Variants in GPC5 observed in about 807,000 individuals in gnomAD.
The protein encoded by GPC5 is glypican-5.
A neutral mutation model predicts 53.9 loss-of-function variants in GPC5; 47 were observed. The observed-to-expected ratio is 0.87, with a 90% CI of 0.69 to 1.11. GPC5 has a LOEUF of 1.11. GPC5 is among the 50% of genes most tolerant of loss of function. The probability of loss-of-function intolerance (pLI) is 0.00; values close to 1 mark genes in which losing one functional copy is unlikely to be tolerated. For missense variants in GPC5, 748 were observed against 713.1 expected (o/e 1.05, Z -0.56); for synonymous variants, 286 against 263.3 (o/e 1.09, Z -0.84).
chr13:92,160,915 T>C (rs756537059), intron 7 of GPC5, among the ~76,000 whole-genome samples: 2 of 152,214 alleles, frequency 1.3e-5, no homozygotes, highest in Admixed American at 6.5e-5. Context: ...ATTAACTCTG[T>C]AGGATATGGT....
intron 7 of GPC5, among the ~76,000 whole-genome samples, chr13:92,539,798 T>G (rs1881871501): frequency 6.6e-6 from 1 of 152,034 alleles, no homozygotes; most frequent in African/African-American, 2.4e-5. Flanking sequence ...TCATGTCTTC[T>G]ATATCATTTT....
intron 4 of GPC5, among the ~76,000 whole-genome samples, chr13:91,753,593 T>C (rs958425003): frequency 3.3e-5 from 5 of 152,188 alleles, no homozygotes; most frequent in African/African-American, 1.2e-4. Context: ...TGATAACACC[T>C]GCTTGCTGGA....
At chr13:92,784,962 G>A (rs947927001) in intron 7 of GPC5, among the ~76,000 whole-genome samples, 8 of 151,912 alleles carry the variant, frequency 5.3e-5, no homozygotes, top group African/African-American at 1.7e-4. Flanking sequence ...CTAAAAATAC[G>A]TATACTGAAC....
At chr13:92,794,719 A>T (rs1444262518) in intron 7 of GPC5, among the ~76,000 whole-genome samples, 1 of 152,158 alleles carries the variant, frequency 6.6e-6, no homozygotes, top group African/African-American at 2.4e-5. Context: ...CAAAAATCAC[A>T]AGCATTCCTA....
chr13:91,763,273 C>T (rs927621255), intron 5 of GPC5, among the ~76,000 whole-genome samples: 6 of 151,914 alleles, frequency 3.9e-5, no homozygotes, highest in South Asian at 2.1e-4. Flanking sequence ...GATTTTTTCT[C>T]CCCCCCGGAC....
chr13:92,460,540 G>T (rs1285276597), intron 7 of GPC5, among the ~76,000 whole-genome samples: 1 of 152,094 alleles, frequency 6.6e-6, no homozygotes, highest in Non-Finnish European at 1.5e-5. Context: ...TGTCCTAGTG[G>T]ATATTGAAGA....
intron 2 of GPC5, among the ~76,000 whole-genome samples, chr13:91,600,369 A>G (rs1294291685): frequency 1.3e-5 from 2 of 151,416 alleles, no homozygotes; most frequent in Admixed American, 6.6e-5. Flanking sequence ...GTGTGTGTGT[A>G]TAGACATGTA....
intron 7 of GPC5, among the ~76,000 whole-genome samples, chr13:92,617,163 A>T (rs140651705): frequency 2.7e-3 from 408 of 152,282 alleles, no homozygotes; most frequent in African/African-American, 8.5e-3. Flanking sequence ...ACTTTGGAAC[A>T]TCTCTGAAGC....
intron 6 of GPC5, among the ~76,000 whole-genome samples, chr13:91,914,648 T>G (rs1297885770): frequency 2.4e-5 from 1 of 42,120 alleles, no homozygotes; most frequent in Non-Finnish European, 5.7e-5. Context: ...CTCTTAGTCT[T>G]TTTTTCACTC....
Position 92,722,882 on chromosome 13 carries a change from T to C in GPC5, c.1562-143400T>C, listed in dbSNP as rs909520823. Among the ~76,000 whole-genome samples the C allele has an allele frequency of 7.2e-5, 11 of 151,942 alleles. No individual in the cohort carries two copies. In the Admixed American group the frequency reaches 7.2e-4, roughly 10 times the overall value. On this transcript the variant is annotated intron_variant, in intron 7 of 7. Coordinates refer to ENST00000377067, the MANE Select transcript of GPC5 (RefSeq NM_004466.6). ...TACTTGCCATTTTGAAGTTGTCCTT[T>C]AGCAAAAACTGTGAAAGTTACCACT...
intron 7 of GPC5, among the ~76,000 whole-genome samples, chr13:92,588,937 T>A (rs757154145): frequency 3.3e-5 from 5 of 152,184 alleles, no homozygotes; most frequent in African/African-American, 9.7e-5. Context: ...CCAAGGTGTA[T>A]AGAAATCTCT....
intron 5 of GPC5, among the ~76,000 whole-genome samples, chr13:91,768,796 G>A (rs2138689240): frequency 1.3e-5 from 1 of 74,614 alleles, no homozygotes; most frequent in Non-Finnish European, 3.8e-5. Context: ...ACTAAAACAT[G>A]TGTGGTACAT....
At chr13:92,145,178 A>G (rs1471647642) in intron 7 of GPC5, among the ~76,000 whole-genome samples, 189 bp downstream of exon 7, 1 of 152,114 alleles carries the variant, frequency 6.6e-6, no homozygotes, top group African/African-American at 2.4e-5. Flanking sequence ...TTAACTAATG[A>G]CTTCTAATGA....
At chr13:91,572,168 TATGTATATATACGTGTGTATACAC>T (rs1566517359) in intron 2 of GPC5, among the ~76,000 whole-genome samples, 24 of 102,066 alleles carry the variant, frequency 2.4e-4, no homozygotes, top group African/African-American at 8.2e-4. Context: ...TACACACACA[TATGTATATATACGTGTGTATACAC>T]ACACATATGT....
At chr13:92,698,615 G>A (rs547799918) in intron 7 of GPC5, among the ~76,000 whole-genome samples, 24 of 152,200 alleles carry the variant, frequency 1.6e-4, no homozygotes, top group East Asian at 9.7e-4. Flanking sequence ...GAACAGTGCC[G>A]CAATAAACAT....
chr13:92,599,884 C>A (rs896040445), intron 7 of GPC5, among the ~76,000 whole-genome samples: 7 of 152,050 alleles, frequency 4.6e-5, no homozygotes, highest in Non-Finnish European at 7.4e-5. Context: ...TTTAAGCATA[C>A]AATTCAGTGG....
At chr13:92,804,722 A>G (rs13378443) in intron 7 of GPC5, among the ~76,000 whole-genome samples, 15,670 of 152,036 alleles carry the variant, frequency 0.1, 936 homozygotes, top group African/African-American at 0.17. Context: ...CCTTTCACAA[A>G]ATATTTCTCT....
chr13:91,843,528 A>G (rs2038813675), intron 5 of GPC5, among the ~76,000 whole-genome samples: 1 of 152,206 alleles, frequency 6.6e-6, no homozygotes, highest in South Asian at 2.1e-4. Flanking sequence ...TGGCAAAAAC[A>G]GAGGAAAAAT....
intron 1 of GPC5, among the ~76,000 whole-genome samples, chr13:91,424,361 C>CTTTTT (rs781733611): frequency 4.4e-5 from 5 of 113,458 alleles, no homozygotes; most frequent in African/African-American, 6.7e-5. Context: ...TCCAGTACTG[C>CTTTTT]TTTTTTTTTT....
Sources: gnomAD v4.1 joint callset for allele counts (sites outside exome capture counted in the v4.1 genomes callset) on GRCh38, gnomAD v4.1.1 for gene constraint, MANE v1.5 for transcripts, NCBI Gene and HGNC (gene_info 2026-07-23, HGNC 2026-07-21) for gene names.